The following UGCG variants were observed in gnomAD, a reference collection of about 807,000 sequenced individuals.
The protein encoded by UGCG is ceramide glucosyltransferase.
A neutral mutation model predicts 49.5 loss-of-function variants in UGCG; 10 were observed. That is an observed-to-expected ratio of 0.20 (90% CI 0.12 to 0.34). The LOEUF (loss-of-function observed/expected upper bound fraction) is 0.34. Ranked by LOEUF, UGCG falls within the 10% of genes least tolerant of loss-of-function variation. The pLI is 1.00. For missense variants in UGCG, 312 were observed against 483.7 expected, an observed-to-expected ratio of 0.65 and a Z score of 3.33; for synonymous variants, 182 against 158.2, an observed-to-expected ratio of 1.15 and a Z score of -1.13.
In UGCG at chr9:111,924,884, GT is replaced by G. The variant is rs1564204314; in HGVS notation, c.445+13del. On this transcript the variant is annotated splice_region_variant and intron_variant, in intron 4 of 8. Coordinates refer to ENST00000374279, the MANE Select transcript of UGCG (RefSeq NM_003358.3). Reference sequence around the variant, plus strand: ...TTGTGATAGTGGAATAAGAGGTGAGGTTTTTTTCTTATTTATTTTATAAAAC... The same window carrying G: ...TTGTGATAGTGGAATAAGAGGTGAGGTTTTTTCTTATTTATTTTATAAAAC... 2.1e-6 allele frequency: 3 copies of G among 1,425,564 alleles called. No homozygotes were observed. Among genetic ancestry groups the G allele is most frequent in the South Asian group, 1.6e-5 (1 of 62,040 alleles). The allele number at this position is 1,425,564 out of a possible 1,614,324, so 88.3% of individuals were successfully genotyped here.
chr9:111,902,952 A>G (rs948846990), intron 1 of UGCG, among the ~76,000 whole-genome samples: 1 of 151,942 alleles, frequency 6.6e-6, no homozygotes, highest in African/African-American at 2.4e-5. Flanking sequence ...TAATTTTTGT[A>G]CTTTCAGTAG....
intron 6 of UGCG, 52 bp from the exon 7 acceptor site, chr9:111,931,219 G>A (rs777606589): frequency 1.5e-5 from 24 of 1,558,870 alleles, no homozygotes; most frequent in Non-Finnish European, 1.8e-5. Flanking sequence ...AACCAGTTAC[G>A]CTTGCATGTG....
chr9:111,897,051 G>T lies in UGCG; in HGVS notation c.-165G>T, dbSNP rs1466747917. 5.0e-6 allele frequency: 2 copies of T among 399,968 alleles called. No homozygotes were observed. The highest frequency in any genetic ancestry group is 3.5e-5 in the South Asian group (1 of 28,572). The allele number at this position is 399,968 out of a possible 1,614,324, so 24.8% of individuals were successfully genotyped here. On this transcript the variant is annotated 5_prime_UTR_variant, in exon 1 of 9. Coordinates refer to ENST00000374279, the MANE Select transcript of UGCG (RefSeq NM_003358.3). Reference sequence around the variant, plus strand: ...AGAGCGCGCGGGCGGGGGCGCGCAGGCCCTGCCCGCCCCTTCCGTCCCCAC... The same window carrying T: ...AGAGCGCGCGGGCGGGGGCGCGCAGTCCCTGCCCGCCCCTTCCGTCCCCAC...
intron 1 of UGCG, among the ~76,000 whole-genome samples, chr9:111,901,919 A>G (rs928373189): frequency 1.3e-5 from 2 of 152,138 alleles, no homozygotes; most frequent in Non-Finnish European, 1.5e-5. Context: ...TGGATTACTA[A>G]TCTTGGATCA....
rs189564158 is a variant in UGCG at position 111,912,949 on chromosome 9, C to T, written c.99-1656C>T. The stretch of plus-strand genomic sequence containing the variant: ...TAAAACTGTATGGCCTTATCTAAAA[C>T]GTTAGATGTTTGCTACAGCACACAC... On this transcript the variant is annotated intron_variant, in intron 1 of 8. Transcript: ENST00000374279. Among the ~76,000 whole-genome samples the T allele has an allele frequency of 1.1e-4, 16 of 152,200 alleles. No individual in the cohort carries two copies. In the East Asian group the frequency reaches 2.1e-3, roughly 20 times the overall value.
At chr9:111,920,430 C>T (rs374156859) in intron 2 of UGCG, among the ~76,000 whole-genome samples, 4 of 151,678 alleles carry the variant, frequency 2.6e-5, no homozygotes, top group East Asian at 1.9e-4. Flanking sequence ...GGCGCAATCT[C>T]GGCTCACTGC....
chr9:111,901,968 C>T (rs1316364463), intron 1 of UGCG, among the ~76,000 whole-genome samples: 3 of 152,290 alleles, frequency 2.0e-5, no homozygotes, highest in Non-Finnish European at 2.9e-5. Context: ...TCATTGCCTC[C>T]GGGTTACAGT....
intron 1 of UGCG, among the ~76,000 whole-genome samples, chr9:111,904,526 CTCT>C (rs1018403620): frequency 2.0e-5 from 3 of 152,174 alleles, no homozygotes; most frequent in African/African-American, 7.2e-5. Context: ...CTTCGGCTAG[CTCT>C]TCTTGAATTT....
chr9:111,903,881 C>G (rs1589517303), intron 1 of UGCG, among the ~76,000 whole-genome samples: 1 of 152,284 alleles, frequency 6.6e-6, no homozygotes, highest in East Asian at 1.9e-4. Flanking sequence ...TAGGCCTTTC[C>G]ATTCTTCAGT....
intron 5 of UGCG, among the ~76,000 whole-genome samples, chr9:111,927,582 G>A (rs1838340841): frequency 6.6e-6 from 1 of 152,092 alleles, no homozygotes; most frequent in South Asian, 2.1e-4. Flanking sequence ...CTCCTGAGTA[G>A]CTGGGACTAC....
chr9:111,905,072 A>G (rs935984561), intron 1 of UGCG, among the ~76,000 whole-genome samples: 6 of 152,198 alleles, frequency 3.9e-5, no homozygotes, highest in African/African-American at 1.4e-4. Context: ...AAAAACTAGA[A>G]AAATTAAACT....
intron 1 of UGCG, among the ~76,000 whole-genome samples, chr9:111,904,337 G>A (rs767859232): frequency 1.4e-4 from 21 of 152,144 alleles, no homozygotes; most frequent in Non-Finnish European, 2.8e-4. Context: ...AGCTAAACCT[G>A]CATTGCGGTG....
At chr9:111,905,090 G>A (rs1263564475) in intron 1 of UGCG, among the ~76,000 whole-genome samples, 3 of 152,120 alleles carry the variant, frequency 2.0e-5, no homozygotes, top group Non-Finnish European at 4.4e-5. Flanking sequence ...ACTAGAAGCC[G>A]TCTGTTCCAC....
rs79549062 is a variant in UGCG at position 111,932,631 on chromosome 9, G to C, written c.1015-196G>C. ...AGTATTGAAACTAATAAGACATTAA[G>C]ATAGCAGTTATTTTAATGCTTCATT... On this transcript the variant is annotated intron_variant, in intron 8 of 8. Transcript: ENST00000374279. Among the ~76,000 whole-genome samples, 842 of 152,258 alleles carry C rather than the reference G, an allele frequency of 5.5e-3. 10 individuals are homozygous for C. The East Asian group carries it at 0.064, about 12-fold the overall frequency.
intron 5 of UGCG, among the ~76,000 whole-genome samples, chr9:111,928,145 G>C (rs894320934): frequency 6.6e-6 from 1 of 152,160 alleles, no homozygotes; most frequent in African/African-American, 2.4e-5. Flanking sequence ...CCACATATCT[G>C]AAGGGGTAAA....
At chr9:111,932,708 G>A in intron 8 of UGCG, 119 bp from the exon 9 acceptor site, 1 of 946,994 alleles carries the variant, frequency 1.1e-6, no homozygotes, top group Non-Finnish European at 1.5e-6. Flanking sequence ...ATTACATAAG[G>A]AAGCAGACTT....
intron 5 of UGCG, 54 bp downstream of exon 5, chr9:111,926,550 G>T: frequency 2.2e-6 from 3 of 1,364,816 alleles, no homozygotes; most frequent in Non-Finnish European, 3.0e-6. Flanking sequence ...TCATTTCCCA[G>T]AAGCTTGAGA....
intron 1 of UGCG, among the ~76,000 whole-genome samples, chr9:111,909,614 A>T (rs917288008): frequency 6.6e-6 from 1 of 152,266 alleles, no homozygotes; most frequent in African/African-American, 2.4e-5. Flanking sequence ...AGTGCATATG[A>T]TAATGACTAG....
At position 111,932,290 on chromosome 9, in the gene UGCG, T is replaced by A. The variant is rs758946556; in HGVS notation, c.945T>A (p.Ile315=). ...CCCACCATGTGTTCAGATGGGATAT[T>A]ATGGTATTTTTCATGTGTCATTGCC... The part of the protein sequence containing the change: ...WAAHHVFRWD[I]MVFFMCHCLA... Residue 315 remains isoleucine (I), a synonymous_variant, in exon 8 of 9, where the codon ATT becomes ATA. Transcript: ENST00000374279. 2 of 1,614,162 alleles carry A rather than the reference T, an allele frequency of 1.2e-6. No individual in the cohort carries two copies. Among genetic ancestry groups the A allele is most frequent in the East Asian group, 4.5e-5 (2 of 44,880 alleles).
Sources: allele counts gnomAD v4.1 joint callset (sites outside exome capture counted in the v4.1 genomes callset), GRCh38; gene constraint gnomAD v4.1.1; transcripts MANE v1.5; gene names NCBI Gene and HGNC (gene_info 2026-07-23, HGNC 2026-07-21).